BAZ2B: variants seen among roughly 807,000 people sequenced by gnomAD.
The protein encoded by BAZ2B is bromodomain adjacent to zinc finger domain protein 2B.
BAZ2B carries 91 observed loss-of-function variants against 246.0 expected under a neutral mutation model. The ratio of observed to expected loss-of-function variants is 0.37; its 90% confidence interval spans 0.31 to 0.44. The LOEUF is 0.44. BAZ2B is among the 20% of genes least tolerant of loss of function. The probability of loss-of-function intolerance (pLI) is 1.00; values close to 1 mark genes in which losing one functional copy is unlikely to be tolerated. For synonymous variants in BAZ2B, 855 were observed against 860.0 expected (o/e 0.99, Z 0.10); for missense variants, 2,332 against 2,533.7 (o/e 0.92, Z 1.71).
chr2:159,595,452 G>C (rs1181866856), intron 1 of BAZ2B, among the ~76,000 whole-genome samples: 1 of 152,148 alleles, frequency 6.6e-6, no homozygotes, highest in Non-Finnish European at 1.5e-5. Context: ...TAGTGGAAAT[G>C]TCAATTTTTG....
In BAZ2B at chr2:159,478,462, T is replaced by G. The variant is rs372370969; in HGVS notation, c.145+113A>C. The G allele has an allele frequency of 5.5e-5, 65 of 1,189,056 alleles. 1 individual carries two copies. In the African/African-American group the frequency reaches 9.7e-4, roughly 18 times the overall value. The allele number at this position is 1,189,056 out of a possible 1,614,324, so 73.7% of individuals were successfully genotyped here. ...AAGACTAGGTGTTTAACCTAGCCTT[T>G]ATTCAACAGGTCAATGCAAGTCATG... On this transcript the variant is annotated intron_variant, in intron 3 of 36. Coordinates refer to ENST00000392783, the MANE Select transcript of BAZ2B (RefSeq NM_013450.4).
intron 27 of BAZ2B, among the ~76,000 whole-genome samples, chr2:159,357,700 A>G (rs1458514795): frequency 6.6e-6 from 1 of 152,210 alleles, no homozygotes; most frequent in Non-Finnish European, 1.5e-5. Flanking sequence ...AAAAAATGTT[A>G]AGGACAGCCA....
intron 1 of BAZ2B, among the ~76,000 whole-genome samples, chr2:159,600,893 A>G (rs910280051): frequency 6.6e-6 from 1 of 152,214 alleles, no homozygotes; most frequent in Non-Finnish European, 1.5e-5. Context: ...TTGAGGAGAC[A>G]GCTTTGAAGG....
the BAZ2B span, among the ~76,000 whole-genome samples, chr2:159,663,196 T>C: frequency 6.6e-6 from 1 of 151,192 alleles, no homozygotes; most frequent in Admixed American, 6.6e-5. Flanking sequence ...TGTTGTTTTT[T>C]TTTTCTTTTT....
the BAZ2B span, among the ~76,000 whole-genome samples, chr2:159,704,227 T>C: frequency 6.6e-6 from 1 of 152,314 alleles, no homozygotes; most frequent in South Asian, 2.1e-4. Context: ...TAAAGTATTA[T>C]TATGATATAC....
Position 159,537,227 on chromosome 2 carries a change from G to A in BAZ2B, c.-3+18596C>T, listed in dbSNP as rs575723973. Among the ~76,000 whole-genome samples the A allele has an allele frequency of 8.5e-5, 13 of 152,342 alleles. No homozygotes were observed. The South Asian group carries it at 2.7e-3, about 32-fold the overall frequency. On this transcript the variant is annotated intron_variant, in intron 2 of 36. Coordinates refer to ENST00000392783, the MANE Select transcript of BAZ2B (RefSeq NM_013450.4). ...GTAGTCAAAATCATAGAGACAGGAA[G>A]TAAAATGGTGGGTCACCAAGGGCCA...
chr2:159,337,920 G>T, intron 31 of BAZ2B, 148 bp from the exon 32 acceptor site: 2 of 699,072 alleles, frequency 2.9e-6, no homozygotes, highest in Non-Finnish European at 2.2e-6. Context: ...AAAACTAGGT[G>T]GAAATAAGAA....
intron 20 of BAZ2B, chr2:159,391,952 A>T (rs1268802823): frequency 6.6e-6 from 1 of 152,184 alleles, no homozygotes; most frequent in Non-Finnish European, 1.5e-5. Flanking sequence ...TGGTTATGGT[A>T]CAAGTTAACT....
intron 1 of BAZ2B, among the ~76,000 whole-genome samples, chr2:159,587,077 G>C (rs995046737): frequency 2.7e-5 from 4 of 150,938 alleles, no homozygotes; most frequent in African/African-American, 9.7e-5. Context: ...CCTATCACCT[G>C]CAACTTTTTT....
intron 2 of BAZ2B, among the ~76,000 whole-genome samples, chr2:159,528,102 A>AT (rs745498977): frequency 1.1e-4 from 17 of 152,164 alleles, no homozygotes; most frequent in Non-Finnish European, 2.2e-4. Flanking sequence ...TGTAAATGAG[A>AT]TTAAATTTTA....
At chr2:159,507,468 G>A (rs764470728) in intron 2 of BAZ2B, among the ~76,000 whole-genome samples, 124 of 152,160 alleles carry the variant, frequency 8.1e-4, no homozygotes, top group Non-Finnish European at 1.5e-3. Context: ...GAGAAAAGCA[G>A]TGGTCTCCCT....
the BAZ2B span, among the ~76,000 whole-genome samples, chr2:159,630,674 C>T: frequency 6.6e-6 from 1 of 152,022 alleles, no homozygotes; most frequent in African/African-American, 2.4e-5. Context: ...GCTGGGACTA[C>T]AGGCGCCCGC....
chr2:159,575,302 C>T (rs527874844), intron 1 of BAZ2B, among the ~76,000 whole-genome samples: 6 of 151,832 alleles, frequency 4.0e-5, no homozygotes, highest in Non-Finnish European at 7.4e-5. Context: ...CACTCTGCCT[C>T]CCAAAGAAAA....
At chr2:159,597,560 T>G (rs1299033392) in intron 1 of BAZ2B, among the ~76,000 whole-genome samples, 3 of 152,192 alleles carry the variant, frequency 2.0e-5, no homozygotes, top group Non-Finnish European at 4.4e-5. Context: ...GGAGTCTTGC[T>G]CCGTTGCCCA....
intron 14 of BAZ2B, 37 bp downstream of exon 14, chr2:159,412,298 G>A (rs2149908479): frequency 6.3e-7 from 1 of 1,580,308 alleles, no homozygotes; most frequent in Non-Finnish European, 8.7e-7. Context: ...ATACTTTTTA[G>A]TATGATTATT....
At chr2:159,682,224 CCT>C in the BAZ2B span, among the ~76,000 whole-genome samples, 1 of 140,228 alleles carries the variant, frequency 7.1e-6, no homozygotes, top group East Asian at 2.1e-4. Context: ...AGACAGTCTC[CCT>C]CTCTCACTCA....
intron 33 of BAZ2B, among the ~76,000 whole-genome samples, chr2:159,333,253 C>G (rs778602694): frequency 6.6e-6 from 1 of 152,060 alleles, no homozygotes; most frequent in Non-Finnish European, 1.5e-5. Context: ...CGTTGAAAAT[C>G]AACCCAAATC....
the BAZ2B span, among the ~76,000 whole-genome samples, chr2:159,666,787 G>A: frequency 2.6e-5 from 4 of 152,112 alleles, no homozygotes; most frequent in South Asian, 2.1e-4. Flanking sequence ...TTCAGGAGGC[G>A]GAGGTTGCAG....
At position 159,398,869 on chromosome 2, in the gene BAZ2B, G is replaced by A. The variant is rs377057873; in HGVS notation, c.2924C>T (p.Ala975Val). The A allele has an allele frequency of 5.6e-6, 9 of 1,610,834 alleles. 1 individual carries two copies. Among genetic ancestry groups the A allele is most frequent in the South Asian group, 5.5e-5 (5 of 90,986 alleles). Residue 975 changes from alanine (A) to valine (V), a missense_variant, in exon 18 of 37, where the codon GCG (alanine) becomes GTG (valine). By Grantham distance (64) the Ala-to-Val change is moderately conservative. Coordinates refer to ENST00000392783, the MANE Select transcript of BAZ2B (RefSeq NM_013450.4). ...LEAKKKKKEE[A>V]ANAKLLEAEK... ...GGCCTCCAATAATTTGGCATTTGCC[G>A]CTTCTTCCTTCTTTTTCTTTTTAGC...
Sources: gnomAD v4.1 joint callset for allele counts (sites outside exome capture counted in the v4.1 genomes callset) on GRCh38, gnomAD v4.1.1 for gene constraint, MANE v1.5 for transcripts, NCBI Gene and HGNC (gene_info 2026-07-23, HGNC 2026-07-21) for gene names.